Variants in SPATA6 observed in about 807,000 individuals in gnomAD.
SPATA6 encodes the protein spermatogenesis associated 6.
In SPATA6, 56 loss-of-function variants were observed where a neutral mutation model predicts 65.3. That is an observed-to-expected ratio of 0.86 (90% CI 0.69 to 1.07). SPATA6 has a LOEUF of 1.07. Ranked by LOEUF, SPATA6 falls within the 50% of genes least tolerant of loss-of-function variation. The pLI, the probability that SPATA6 is intolerant of heterozygous loss-of-function variation, is 0.00. For missense variants in SPATA6, 590 were observed against 594.8 expected (o/e 0.99, Z 0.08); for synonymous variants, 199 against 213.2 (o/e 0.93, Z 0.58).
chr1:48,446,999 A>G (rs538023135), intron 3 of SPATA6, among the ~76,000 whole-genome samples: 1 of 152,208 alleles, frequency 6.6e-6, no homozygotes, highest in South Asian at 2.1e-4. Flanking sequence ...GCCTGCTAAC[A>G]TGAGGATGAT....
At chr1:48,315,685 G>C (rs1165331223) in intron 11 of SPATA6, among the ~76,000 whole-genome samples, 1 of 152,122 alleles carries the variant, frequency 6.6e-6, no homozygotes, top group Non-Finnish European at 1.5e-5. Flanking sequence ...GGAAGTTCTG[G>C]CCACGGCAAT....
Position 48,472,081 on chromosome 1 carries a change from C to A in SPATA6, c.-73G>T. On this transcript the variant is annotated 5_prime_UTR_variant, in exon 1 of 13. Transcript: ENST00000371847. Reference sequence around the variant, plus strand: ...TGAGGCGGGGAGACCTGGGGCTGGGCGGGGACGGGGAGGAGACGAGGTGGC... The same window carrying A: ...TGAGGCGGGGAGACCTGGGGCTGGGAGGGGACGGGGAGGAGACGAGGTGGC... 2 of 389,606 alleles carry A rather than the reference C, an allele frequency of 5.1e-6. No individual in the cohort carries two copies. Among genetic ancestry groups the A allele is most frequent in the Non-Finnish European group, 8.4e-6 (2 of 237,068 alleles). The allele number at this position is 389,606 out of a possible 1,614,324, so 24.1% of individuals were successfully genotyped here.
chr1:48,333,812 C>G (rs920014882), intron 11 of SPATA6, among the ~76,000 whole-genome samples: 4 of 151,848 alleles, frequency 2.6e-5, no homozygotes, highest in Non-Finnish European at 5.9e-5. Flanking sequence ...CTGATGGAAA[C>G]AGAGACATAA....
intron 11 of SPATA6, among the ~76,000 whole-genome samples, chr1:48,324,099 G>A (rs965193740): frequency 5.3e-5 from 8 of 151,896 alleles, no homozygotes; most frequent in Non-Finnish European, 7.4e-5. Context: ...ACAGATGTAC[G>A]CCACCACACC....
chr1:48,387,056 C>G (rs1649550109), intron 8 of SPATA6, among the ~76,000 whole-genome samples: 1 of 152,192 alleles, frequency 6.6e-6, no homozygotes, highest in African/African-American at 2.4e-5. Context: ...GGGGAAGCCT[C>G]ACAATCATGG....
At chr1:48,392,346 A>T (rs1650157340) in intron 8 of SPATA6, among the ~76,000 whole-genome samples, 1 of 152,142 alleles carries the variant, frequency 6.6e-6, no homozygotes, top group African/African-American at 2.4e-5. Flanking sequence ...GCCAGGATGG[A>T]TGTACTTGAT....
At chr1:48,351,700 T>A (rs1031458737) in intron 11 of SPATA6, among the ~76,000 whole-genome samples, 5 of 152,108 alleles carry the variant, frequency 3.3e-5, no homozygotes, top group African/African-American at 1.2e-4. Flanking sequence ...TGGGAATTTT[T>A]GTATATACAT....
At chr1:48,293,443 C>G (rs1446720098), downstream of SPATA6, among the ~76,000 whole-genome samples, 1 of 152,158 alleles carries the variant, frequency 6.6e-6, no homozygotes, top group African/African-American at 2.4e-5. Flanking sequence ...CTCCAAAGCC[C>G]TCCCACAGCT....
At chr1:48,274,464 A>G in the SPATA6 span, among the ~76,000 whole-genome samples, 1 of 152,070 alleles carries the variant, frequency 6.6e-6, no homozygotes, top group African/African-American at 2.4e-5. Context: ...TAGGGTTTTT[A>G]TGGTTTTAGG....
chr1:48,397,596 T>C (rs1650727598), intron 7 of SPATA6, among the ~76,000 whole-genome samples: 1 of 151,696 alleles, frequency 6.6e-6, no homozygotes, highest in African/African-American at 2.4e-5. Flanking sequence ...ACAATGTCTT[T>C]CCTAAAAGTG....
intron 4 of SPATA6, among the ~76,000 whole-genome samples, chr1:48,412,855 G>T (rs1474777172): frequency 6.6e-6 from 1 of 152,022 alleles, no homozygotes; most frequent in Non-Finnish European, 1.5e-5. Context: ...CTGACCTCAG[G>T]TGATCCGCCT....
At chr1:48,279,893 C>T in the SPATA6 span, among the ~76,000 whole-genome samples, 1 of 152,140 alleles carries the variant, frequency 6.6e-6, no homozygotes, top group Non-Finnish European at 1.5e-5. Flanking sequence ...TTTTCAGCAC[C>T]ACACCACACC....
downstream of SPATA6, among the ~76,000 whole-genome samples, chr1:48,292,076 G>A (rs1261012174): frequency 6.6e-6 from 1 of 152,208 alleles, no homozygotes; most frequent in Non-Finnish European, 1.5e-5. Flanking sequence ...TTTGGGGTCA[G>A]TTACTGTAAG....
At chr1:48,412,297 T>A (rs1652321413) in intron 4 of SPATA6, among the ~76,000 whole-genome samples, 1 of 152,186 alleles carries the variant, frequency 6.6e-6, no homozygotes, top group South Asian at 2.1e-4. Context: ...ATTTACTACA[T>A]AAGTAAGGTT....
intron 5 of SPATA6, among the ~76,000 whole-genome samples, chr1:48,410,029 T>C (rs1557676697): frequency 6.6e-6 from 1 of 152,228 alleles, no homozygotes; most frequent in Non-Finnish European, 1.5e-5. Flanking sequence ...GAATTTCTAC[T>C]CAGAAAATTG....
chr1:48,464,916 C>T (rs550038419), intron 1 of SPATA6, among the ~76,000 whole-genome samples: 212 of 151,944 alleles, frequency 1.4e-3, no homozygotes, highest in African/African-American at 4.3e-3. Flanking sequence ...AAATCAATAA[C>T]GCAATAAATA....
At chr1:48,356,310 C>T (rs1160956161) in intron 10 of SPATA6, among the ~76,000 whole-genome samples, 1 of 151,706 alleles carries the variant, frequency 6.6e-6, no homozygotes, top group Middle Eastern at 3.2e-3. Context: ...AAAGAAGAAA[C>T]AAAGCATCCC....
At chr1:48,457,389 A>T (rs935092771) in intron 1 of SPATA6, among the ~76,000 whole-genome samples, 3 of 151,800 alleles carry the variant, frequency 2.0e-5, no homozygotes, top group Admixed American at 6.6e-5. Context: ...ACAAGATCAC[A>T]CCACTGCACT....
rs144863514 is a variant in SPATA6 at position 48,468,791 on chromosome 1, C to G, written c.51+3167G>C. Among the ~76,000 whole-genome samples the G allele has an allele frequency of 1.6e-3, 237 of 152,136 alleles. 2 individuals carry two copies. Among genetic ancestry groups the G allele is most frequent in the Admixed American group, 0.013 (196 of 15,296 alleles). On this transcript the variant is annotated intron_variant, in intron 1 of 12. Transcript: ENST00000371847. ...CAAATGATTAAAGGTAATATATAAA[C>G]CTTGACTGGATCCCGGTTTGAAAAA...
Sources: gnomAD v4.1 joint callset for allele counts (sites outside exome capture counted in the v4.1 genomes callset) on GRCh38, gnomAD v4.1.1 for gene constraint, MANE v1.5 for transcripts, NCBI Gene and HGNC (gene_info 2026-07-23, HGNC 2026-07-21) for gene names.